WWOX: variants seen among roughly 807,000 people sequenced by gnomAD.
The protein encoded by WWOX is WW domain containing oxidoreductase.
Under a neutral mutation model 46.2 loss-of-function variants are expected in WWOX, and 69 were observed. The ratio of observed to expected loss-of-function variants is 1.49; its 90% CI spans 1.23 to 1.82. The LOEUF is 1.82. WWOX is among the 40% of genes most tolerant of loss of function. The pLI, the probability that WWOX is intolerant of heterozygous loss-of-function variation, is 0.00. For missense variants in WWOX, 919 were observed against 542.6 expected (o/e 1.69, Z -6.89); for synonymous variants, 359 against 202.6 (o/e 1.77, Z -6.56).
chr16:78,996,318 T>C, intron 8 of WWOX: 2 of 984,052 alleles, frequency 2.0e-6, no homozygotes, highest in Non-Finnish European at 2.4e-6. Context: ...GATGTTTTTC[T>C]ACCGTGACAG....
chr16:78,674,044 T>G (rs948967060), intron 8 of WWOX, among the ~76,000 whole-genome samples: 2 of 152,128 alleles, frequency 1.3e-5, no homozygotes, highest in Non-Finnish European at 2.9e-5. Flanking sequence ...CTTTTTGGAT[T>G]CTCGATGGGA....
intron 8 of WWOX, among the ~76,000 whole-genome samples, chr16:78,833,339 C>A (rs1236790983): frequency 2.0e-5 from 3 of 152,078 alleles, no homozygotes; most frequent in Non-Finnish European, 4.4e-5. Context: ...TTTCTTTATA[C>A]CAGTCCTCAA....
chr16:78,100,121 A>G, intron 1 of WWOX: 2 of 1,363,178 alleles, frequency 1.5e-6, no homozygotes, highest in Non-Finnish European at 1.9e-6. Flanking sequence ...TCTGCTGTTC[A>G]GGATGCAGCA....
intron 8 of WWOX, among the ~76,000 whole-genome samples, chr16:78,695,740 G>C (rs572866227): frequency 6.6e-6 from 1 of 152,352 alleles, no homozygotes; most frequent in East Asian, 1.9e-4. Flanking sequence ...CCAAGAGCCA[G>C]ACACAGGGAA....
intron 4 of WWOX, among the ~76,000 whole-genome samples, chr16:78,144,523 A>ATTT (rs138841166): frequency 5.4e-5 from 1 of 18,632 alleles, no homozygotes; most frequent in Admixed American, 9.2e-4. Flanking sequence ...ATATATATAT[A>ATTT]TTTTTTTTTT....
intron 8 of WWOX, among the ~76,000 whole-genome samples, chr16:78,484,996 C>A (rs376311222): frequency 6.6e-6 from 1 of 152,078 alleles, no homozygotes; most frequent in Non-Finnish European, 1.5e-5. Flanking sequence ...GATGAGCTGA[C>A]TAACACCTTA....
intron 4 of WWOX, among the ~76,000 whole-genome samples, chr16:78,156,013 T>G (rs762050523): frequency 4.6e-5 from 7 of 152,186 alleles, no homozygotes; most frequent in South Asian, 2.1e-4. Context: ...CAAAGGCAAT[T>G]GTAAAGGGTA....
chr16:78,791,827 C>T (rs886900040), intron 8 of WWOX, among the ~76,000 whole-genome samples: 1 of 152,080 alleles, frequency 6.6e-6, no homozygotes, highest in Non-Finnish European at 1.5e-5. Flanking sequence ...TTGCAGTGAG[C>T]CGAGATCGCG....
chr16:79,124,875 T>A (rs2049717332), intron 8 of WWOX, among the ~76,000 whole-genome samples: 1 of 152,194 alleles, frequency 6.6e-6, no homozygotes, highest in African/African-American at 2.4e-5. Context: ...AAAGACATCT[T>A]GCCAGACCCT....
chr16:78,841,067 A>G (rs2052130645), intron 8 of WWOX, among the ~76,000 whole-genome samples: 1 of 152,142 alleles, frequency 6.6e-6, no homozygotes, highest in Non-Finnish European at 1.5e-5. Flanking sequence ...CGTCCCGGTA[A>G]CATACACCTG....
intron 8 of WWOX, among the ~76,000 whole-genome samples, chr16:78,856,332 T>G (rs750628085): frequency 1.3e-5 from 2 of 152,188 alleles, no homozygotes; most frequent in Non-Finnish European, 2.9e-5. Context: ...TTGTAGTGAC[T>G]TTTATCGAAG....
intron 8 of WWOX, among the ~76,000 whole-genome samples, chr16:78,687,820 C>G (rs995603242): frequency 6.6e-6 from 1 of 152,080 alleles, no homozygotes; most frequent in African/African-American, 2.4e-5. Context: ...TTTAGTAATC[C>G]CTGAAGCTCT....
chr16:79,198,693 T>G (rs1319173552), intron 8 of WWOX, among the ~76,000 whole-genome samples: 1 of 152,250 alleles, frequency 6.6e-6, no homozygotes, highest in Non-Finnish European at 1.5e-5. Flanking sequence ...GTAGTAGCTG[T>G]GTGACCTGGG....
At chr16:78,410,758 A>G (rs1259887180) in intron 6 of WWOX, among the ~76,000 whole-genome samples, 1 of 149,804 alleles carries the variant, frequency 6.7e-6, no homozygotes, top group Non-Finnish European at 1.5e-5. Context: ...GTCAACTGAG[A>G]TCACACCACT....
At chr16:78,721,340 A>G (rs931938260) in intron 8 of WWOX, among the ~76,000 whole-genome samples, 3 of 152,140 alleles carry the variant, frequency 2.0e-5, no homozygotes, top group South Asian at 2.1e-4. Flanking sequence ...TCATAATACC[A>G]TTTACATTTA....
At chr16:78,313,304 C>A (rs1156540217) in intron 5 of WWOX, among the ~76,000 whole-genome samples, 1 of 152,176 alleles carries the variant, frequency 6.6e-6, no homozygotes, top group Non-Finnish European at 1.5e-5. Flanking sequence ...CTGCTGGGAA[C>A]ATGATAGAAC....
At chr16:79,074,430 T>TC (rs2048614216) in intron 8 of WWOX, among the ~76,000 whole-genome samples, 1 of 133,274 alleles carries the variant, frequency 7.5e-6, no homozygotes, top group African/African-American at 2.9e-5. Context: ...TTTTTTTTTT[T>TC]TTTTTTTTTT....
intron 8 of WWOX, among the ~76,000 whole-genome samples, chr16:78,944,041 A>C (rs137997994): frequency 8.5e-5 from 13 of 152,248 alleles, no homozygotes; most frequent in Non-Finnish European, 1.6e-4. Context: ...ATAAACAAAA[A>C]CACAAAATCA....
At chr16:78,420,503 C>T (rs987624356) in intron 6 of WWOX, among the ~76,000 whole-genome samples, 5 of 151,996 alleles carry the variant, frequency 3.3e-5, no homozygotes, top group African/African-American at 1.2e-4. Context: ...TGCCAAGGGA[C>T]AGAAGCCAGT....
Sources: gnomAD v4.1 joint callset for allele counts (sites outside exome capture counted in the v4.1 genomes callset) on GRCh38, gnomAD v4.1.1 for gene constraint, MANE v1.5 for transcripts, NCBI Gene and HGNC (gene_info 2026-07-23, HGNC 2026-07-21) for gene names.